ERCC1: variants seen among roughly 807,000 people sequenced by gnomAD.
ERCC1 encodes DNA excision repair protein ERCC-1.
A neutral mutation model predicts 37.6 loss-of-function variants in ERCC1; 36 were observed. The ratio of observed to expected loss-of-function variants is 0.96; its 90% CI spans 0.73 to 1.26. The LOEUF (loss-of-function observed/expected upper bound fraction) is 1.26. Among genes scored for constraint, ERCC1 ranks in the 50% most tolerant of loss-of-function variants. ERCC1 has a pLI of 0.00. For missense variants in ERCC1, 349 were observed against 376.5 expected, an observed-to-expected ratio of 0.93 and a Z score of 0.60; for synonymous variants, 156 against 162.1, an observed-to-expected ratio of 0.96 and a Z score of 0.28.
intron 7 of ERCC1, chr19:45,414,260 G>A: frequency 1.7e-6 from 1 of 584,858 alleles, no homozygotes; most frequent in Non-Finnish European, 3.1e-6. Flanking sequence ...AGGATCACCT[G>A]AGGCCAGGAG....
chr19:45,444,542 G>A (rs1249923095), intron 1 of ERCC1, among the ~76,000 whole-genome samples: 7 of 152,142 alleles, frequency 4.6e-5, no homozygotes, highest in Non-Finnish European at 1.0e-4. Flanking sequence ...CCAAACCCTC[G>A]GCCTTGGCCC....
intron 1 of ERCC1, among the ~76,000 whole-genome samples, chr19:45,441,618 G>C (rs990119289): frequency 1.3e-5 from 2 of 151,578 alleles, no homozygotes; most frequent in Admixed American, 6.6e-5. Context: ...CAAGTGATCC[G>C]CCCACCTCGG....
intron 1 of ERCC1, among the ~76,000 whole-genome samples, chr19:45,441,548 A>AT (rs1223798907): frequency 2.0e-5 from 3 of 151,862 alleles, no homozygotes; most frequent in Admixed American, 1.3e-4. Context: ...TAATTTTTGT[A>AT]TTTTTTTGTA....
chr19:45,423,693 C>G (rs1974583671), intron 1 of ERCC1, 88 bp downstream of exon 1: 1 of 1,249,378 alleles, frequency 8.0e-7, no homozygotes, highest in South Asian at 1.9e-5. Flanking sequence ...GGACGCCCTC[C>G]CCACGCCTGG....
At chr19:45,411,651 G>A (rs1973742628) in intron 9 of ERCC1, among the ~76,000 whole-genome samples, 1 of 151,842 alleles carries the variant, frequency 6.6e-6, no homozygotes, top group Non-Finnish European at 1.5e-5. Flanking sequence ...AAAACTAGCT[G>A]GGCATGGTAG....
chr19:45,426,963 A>C (rs1330213047), upstream of ERCC1, among the ~76,000 whole-genome samples: 3 of 149,946 alleles, frequency 2.0e-5, no homozygotes, highest in South Asian at 2.1e-4. Flanking sequence ...TCCATCTAAA[A>C]AAAAAAAAAA....
At chr19:45,413,421 G>T in intron 9 of ERCC1, 1 of 681,792 alleles carries the variant, frequency 1.5e-6, no homozygotes. Flanking sequence ...CACGTAGCAA[G>T]CTCACACCAC....
intron 3 of ERCC1, 48 bp downstream of exon 3, chr19:45,421,130 T>G: frequency 6.5e-7 from 1 of 1,533,076 alleles, no homozygotes. Flanking sequence ...TAGAACAGCG[T>G]TTCCCACTGA....
intron 4 of ERCC1, among the ~76,000 whole-genome samples, chr19:45,419,857 A>G (rs564996725): frequency 1.8e-4 from 27 of 151,074 alleles, no homozygotes; most frequent in African/African-American, 6.3e-4. Flanking sequence ...CTCCTCCCTT[A>G]GACCCAGGAA....
At position 45,408,875 on chromosome 19, in the gene ERCC1, G is replaced by T. The variant is rs751453778; in HGVS notation, c.*800C>A. 1 of 1,614,156 alleles carries T rather than the reference G, an allele frequency of 6.2e-7. No homozygotes were observed. The highest frequency in any genetic ancestry group is 8.5e-7 in the Non-Finnish European group (1 of 1,180,022). ...GGGGACGGAAGGGATGGAGCCAGAGGAGGGGGTGACAGTTGAGTCTCAGCC... is the reference window on the plus strand; with the variant it reads ...GGGGACGGAAGGGATGGAGCCAGAGTAGGGGGTGACAGTTGAGTCTCAGCC... On this transcript the variant is annotated 3_prime_UTR_variant, in exon 10 of 10. Transcript: ENST00000300853.
intron 4 of ERCC1, 23 bp from the exon 5 acceptor site, chr19:45,419,220 G>T (rs1218056316): frequency 6.6e-7 from 1 of 1,517,718 alleles, no homozygotes; most frequent in Non-Finnish European, 9.0e-7. Flanking sequence ...GGGAGCGGGA[G>T]TTGAGAGGTC....
chr19:45,448,100 A>C (rs551456760), intron 1 of ERCC1, among the ~76,000 whole-genome samples: 16 of 151,898 alleles, frequency 1.1e-4, no homozygotes, highest in Non-Finnish European at 8.8e-5. Context: ...TCAAACTCCT[A>C]ACCTCAGGTG....
chr19:45,441,453 G>C (rs1012701006), intron 1 of ERCC1, among the ~76,000 whole-genome samples: 3 of 152,208 alleles, frequency 2.0e-5, no homozygotes, highest in Admixed American at 6.5e-5. Context: ...ATAAGTTTCA[G>C]AGTCAGTGCA....
At chr19:45,439,456 G>T (rs1166841183) in intron 1 of ERCC1, among the ~76,000 whole-genome samples, 1 of 152,196 alleles carries the variant, frequency 6.6e-6, no homozygotes, top group Non-Finnish European at 1.5e-5. Context: ...CCAGCACTTT[G>T]GGAGGCCGAG....
intron 1 of ERCC1, among the ~76,000 whole-genome samples, chr19:45,439,970 G>C (rs867405503): frequency 6.6e-6 from 1 of 152,128 alleles, no homozygotes; most frequent in Non-Finnish European, 1.5e-5. Flanking sequence ...CCGAAATAGC[G>C]GCCCCCAGAT....
intron 4 of ERCC1, chr19:45,419,410 C>T (rs887709962): frequency 1.8e-6 from 1 of 559,538 alleles, no homozygotes; most frequent in Non-Finnish European, 3.2e-6. Context: ...GCTGTGCTTA[C>T]CTAGAAGACC....
At chr19:45,447,301 G>T (rs1394361889) in intron 1 of ERCC1, among the ~76,000 whole-genome samples, 1 of 133,928 alleles carries the variant, frequency 7.5e-6, no homozygotes, top group African/African-American at 2.9e-5. Flanking sequence ...TTGAGACAGA[G>T]ATTTGCTCTT....
intron 6 of ERCC1, among the ~76,000 whole-genome samples, chr19:45,415,375 G>A (rs879781027): frequency 1.4e-5 from 2 of 148,032 alleles, no homozygotes; most frequent in Non-Finnish European, 3.0e-5. Context: ...GGTGGCTCAC[G>A]CCTATAATCC....
At chr19:45,446,473 A>G (rs1229777614) in intron 1 of ERCC1, among the ~76,000 whole-genome samples, 4 of 152,142 alleles carry the variant, frequency 2.6e-5, no homozygotes, top group Admixed American at 6.6e-5. Flanking sequence ...TAACATCCCT[A>G]TTTTACAGAT....
Sources: gnomAD v4.1 joint callset for allele counts (sites outside exome capture counted in the v4.1 genomes callset) on GRCh38, gnomAD v4.1.1 for gene constraint, MANE v1.5 for transcripts, NCBI Gene and HGNC (gene_info 2026-07-23, HGNC 2026-07-21) for gene names.